IL1RAPL2: variants seen among roughly 807,000 people sequenced by gnomAD.
IL1RAPL2 encodes interleukin 1 receptor accessory protein like 2.
In IL1RAPL2, 3 loss-of-function variants were observed where a neutral mutation model predicts 44.1. The observed-to-expected ratio is 0.07, with a 90% CI of 0.03 to 0.18. The LOEUF (loss-of-function observed/expected upper bound fraction) is 0.18. IL1RAPL2 is among the 10% of genes least tolerant of loss of function. The pLI is 1.00. For synonymous variants in IL1RAPL2, 181 were observed against 178.8 expected (o/e 1.01, Z -0.10); for missense variants, 391 against 496.4 (o/e 0.79, Z 2.02).
At position 105,740,685 on chromosome X, in the gene IL1RAPL2, A is replaced by G; in HGVS notation, c.1042A>G (p.Lys348Glu). 8.3e-7 allele frequency: 1 copy of G among 1,203,699 alleles called. No individual in the cohort carries two copies. Among genetic ancestry groups the G allele is most frequent in the Non-Finnish European group, 1.1e-6 (1 of 890,399 alleles). Residue 348 changes from lysine to glutamate, a missense_variant, in exon 8 of 11, where the codon AAA (lysine) becomes GAA (glutamate). Transcript: ENST00000372582. ...GAAACATGCCAGTGTTTTGCTGCGTAAAAAGGGTATTTATTTTTATAACTA... is the reference window on the plus strand; with the variant it reads ...GAAACATGCCAGTGTTTTGCTGCGTGAAAAGGGTATTTATTTTTATAACTA... ...GRKHASVLLR[K>E]KDLIYKIELA...
At chrX:104,903,300 A>T (rs1923870993) in intron 2 of IL1RAPL2, among the ~76,000 whole-genome samples, 2 of 112,283 alleles carry the variant, frequency 1.8e-5, no homozygotes, top group South Asian at 3.7e-4. Context: ...TATGTTGGTC[A>T]GATATTATTC....
chrX:105,258,009 G>T (rs1340050308), intron 4 of IL1RAPL2, among the ~76,000 whole-genome samples: 2 of 111,573 alleles, frequency 1.8e-5, no homozygotes, highest in Non-Finnish European at 3.8e-5. Context: ...TGTTTATCTG[G>T]TTGCTTTACA....
At chrX:105,338,345 C>G (rs1418204270) in intron 5 of IL1RAPL2, among the ~76,000 whole-genome samples, 2 of 112,017 alleles carry the variant, frequency 1.8e-5, no homozygotes, top group East Asian at 5.7e-4. Context: ...AAGACCATGC[C>G]TTACTTTTTT....
chrX:104,771,709 A>G (rs1372249522), intron 2 of IL1RAPL2, among the ~76,000 whole-genome samples: 1 of 111,438 alleles, frequency 9.0e-6, no homozygotes, highest in Non-Finnish European at 1.9e-5. Flanking sequence ...AGAGAGAGAG[A>G]ATATGTATTC....
At chrX:104,719,660 A>G (rs1169646887) in intron 2 of IL1RAPL2, among the ~76,000 whole-genome samples, 1 of 111,451 alleles carries the variant, frequency 9.0e-6, no homozygotes, top group Non-Finnish European at 1.9e-5. Context: ...AAGCAACTCC[A>G]TTACCTTCCA....
chrX:105,243,605 A>ATTTT (rs1302757097), intron 4 of IL1RAPL2, among the ~76,000 whole-genome samples: 23 of 97,380 alleles, frequency 2.4e-4, no homozygotes, highest in African/African-American at 7.9e-4. Flanking sequence ...ATATATATAT[A>ATTTT]TTTTTTTTTT....
intron 2 of IL1RAPL2, among the ~76,000 whole-genome samples, chrX:104,926,285 T>C: frequency 8.9e-6 from 1 of 112,407 alleles, no homozygotes; most frequent in Non-Finnish European, 1.9e-5. Context: ...GTACTAGATA[T>C]GTTATTCAAA....
intron 2 of IL1RAPL2, among the ~76,000 whole-genome samples, chrX:104,963,024 C>A (rs777748325): frequency 8.9e-6 from 1 of 111,836 alleles, no homozygotes; most frequent in Non-Finnish European, 1.9e-5. Flanking sequence ...TAATAGTAAC[C>A]AGTTCGTCCC....
In IL1RAPL2 at chrX:105,346,651, A is replaced by T. The variant is rs775108165; in HGVS notation, c.697+79110A>T. Among the ~76,000 whole-genome samples, 3 of 111,522 alleles carry T rather than the reference A, an allele frequency of 2.7e-5. No individual in the cohort carries two copies. In the East Asian group the frequency reaches 8.5e-4, roughly 32 times the overall value. On this transcript the variant is annotated intron_variant, in intron 5 of 10. Coordinates refer to ENST00000372582, the MANE Select transcript of IL1RAPL2 (RefSeq NM_017416.2). Reference sequence around the variant, plus strand: ...GCCTTTGTAATACAGGTTTGCGGGGACAGGACTAACATCAGTAGACAAGCT... The same window carrying T: ...GCCTTTGTAATACAGGTTTGCGGGGTCAGGACTAACATCAGTAGACAAGCT...
At chrX:105,310,018 C>A (rs1392078991) in intron 5 of IL1RAPL2, among the ~76,000 whole-genome samples, 2 of 111,029 alleles carry the variant, frequency 1.8e-5, no homozygotes, top group Non-Finnish European at 3.8e-5. Flanking sequence ...AGGAAGTGAT[C>A]CCTCCAACTC....
intron 2 of IL1RAPL2, among the ~76,000 whole-genome samples, chrX:105,090,729 A>G (rs1347515604): frequency 8.9e-6 from 1 of 112,329 alleles, no homozygotes; most frequent in Non-Finnish European, 1.9e-5. Flanking sequence ...GCCTTATCTC[A>G]GGAATGAGAG....
rs1257280745 is a variant in IL1RAPL2, at chrX:105,745,717, T to C, written c.1049-3243T>C. On this transcript the variant is annotated intron_variant, in intron 8 of 10. Transcript: ENST00000372582. ...TTTTAGAAACAGGGCAGGGTCTCAG[T>C]CTGTTGCCCAGGCTGAAATGCAGTG... 6.3e-5 allele frequency among the ~76,000 whole-genome samples: 7 copies of C among 111,221 alleles called. No individual in the cohort carries two copies. In the East Asian group the frequency reaches 2.0e-3, roughly 32 times the overall value.
chrX:104,622,955 A>G (rs1206471505), intron 1 of IL1RAPL2, among the ~76,000 whole-genome samples: 1 of 111,770 alleles, frequency 8.9e-6, no homozygotes, highest in Non-Finnish European at 1.9e-5. Context: ...GTTGCCACCC[A>G]TAGTGTGTCT....
chrX:104,904,146 T>G (rs1923901188), intron 2 of IL1RAPL2, among the ~76,000 whole-genome samples: 1 of 110,130 alleles, frequency 9.1e-6, no homozygotes, highest in Non-Finnish European at 1.9e-5. Flanking sequence ...CACCAACTAA[T>G]GGCCATTTCT....
Position 105,177,208 on chromosome X carries a change from A to G in IL1RAPL2, c.83-18267A>G, listed in dbSNP as rs753006003. Among the ~76,000 whole-genome samples the G allele has an allele frequency of 8.4e-4, 93 of 110,324 alleles. 1 individual carries two copies. The highest frequency in any genetic ancestry group is 7.3e-3 in the Admixed American group (75 of 10,307). ...TGCCTCCTGTCAGATCAGGGACAGC[A>G]TTAGATTCTCATAGGAGCACAAACC... On this transcript the variant is annotated intron_variant, in intron 2 of 10. Transcript: ENST00000372582.
intron 5 of IL1RAPL2, among the ~76,000 whole-genome samples, chrX:105,440,691 A>G (rs1569441375): frequency 8.9e-6 from 1 of 112,417 alleles, no homozygotes; most frequent in African/African-American, 3.2e-5. Flanking sequence ...TTCAGAAACA[A>G]CACCTTCTCT....
rs137918692 is a variant in IL1RAPL2, at chrX:105,086,467, G to A, written c.83-109008G>A. ...ATAGAGCCAGAGAGTAGAATGGCTG[G>A]GGGTGGGGAATGGGAAATGGGGAGA... is the stretch of plus-strand genomic sequence containing the variant. On this transcript the variant is annotated intron_variant, in intron 2 of 10. Coordinates refer to ENST00000372582, the MANE Select transcript of IL1RAPL2 (RefSeq NM_017416.2). Among the ~76,000 whole-genome samples the A allele has an allele frequency of 5.5e-3, 611 of 111,287 alleles. 4 individuals carry two copies. The highest frequency in any genetic ancestry group is 0.019 in the Middle Eastern group (4 of 215).
At position 105,195,743 on chromosome X, in the gene IL1RAPL2, T is replaced by C; in HGVS notation, c.351T>C (p.Val117=). Residue 117 remains valine, a synonymous_variant, in exon 3 of 11, where the codon GTT becomes GTC. Coordinates refer to ENST00000372582, the MANE Select transcript of IL1RAPL2 (RefSeq NM_017416.2). ...EAQDSGFYTC[V]LRNSTYCMKV... ...AAGACAGTGGATTCTACACTTGTGT[T>C]TTAAGGTGAGTGTTGTGTGAAAACA... 1 of 1,210,731 alleles carries C rather than the reference T, an allele frequency of 8.3e-7. No homozygotes were observed.
intron 2 of IL1RAPL2, among the ~76,000 whole-genome samples, chrX:104,734,242 G>C (rs1336788134): frequency 1.8e-5 from 2 of 112,484 alleles, no homozygotes; most frequent in East Asian, 5.6e-4. Flanking sequence ...CAGTTTGGCA[G>C]TTTCTTATAA....
Sources: gnomAD v4.1 joint callset for allele counts (sites outside exome capture counted in the v4.1 genomes callset) on GRCh38, gnomAD v4.1.1 for gene constraint, MANE v1.5 for transcripts, NCBI Gene and HGNC (gene_info 2026-07-23, HGNC 2026-07-21) for gene names.